ZBTB43: variants seen among roughly 807,000 people sequenced by gnomAD.
The protein encoded by ZBTB43 is zinc finger and BTB domain-containing protein 43.
Under a neutral mutation model 31.1 loss-of-function variants are expected in ZBTB43, and 6 were observed. That is an observed-to-expected ratio of 0.19 (90% confidence interval 0.11 to 0.38). ZBTB43 has a LOEUF of 0.38. Among genes scored for constraint, ZBTB43 ranks in the 10% least tolerant of loss-of-function variants. ZBTB43 has a pLI of 1.00. For missense variants in ZBTB43, 379 were observed against 602.1 expected, an observed-to-expected ratio of 0.63 and a Z score of 3.88; for synonymous variants, 212 against 221.7, an observed-to-expected ratio of 0.96 and a Z score of 0.39.
chr9:126,809,359 G>T (rs1329407), intron 2 of ZBTB43, among the ~76,000 whole-genome samples: 27,927 of 152,168 alleles, frequency 0.18, 3,127 homozygotes, highest in East Asian at 0.39. Context: ...TAAAGAGTAG[G>T]CATAGGGTAT....
intron 2 of ZBTB43, among the ~76,000 whole-genome samples, chr9:126,826,454 C>CT (rs35094731): frequency 0.017 from 902 of 53,582 alleles, 303 homozygotes; most frequent in Admixed American, 0.028. Context: ...GCCCCCCCGC[C>CT]TTTTTTTTTT....
chr9:126,829,719 A>AT (rs1479696488), intron 2 of ZBTB43, among the ~76,000 whole-genome samples: 21 of 150,672 alleles, frequency 1.4e-4, no homozygotes, highest in East Asian at 3.9e-4. Context: ...CCTTTCTATA[A>AT]TTTTTTTTTA....
At chr9:126,809,728 A>G (rs959385476) in intron 2 of ZBTB43, among the ~76,000 whole-genome samples, 8 of 152,164 alleles carry the variant, frequency 5.3e-5, no homozygotes, top group African/African-American at 1.9e-4. Context: ...AAAGCCAAAT[A>G]GCTTTTAAGA....
chr9:126,823,986 A>G (rs2032572363), intron 2 of ZBTB43, among the ~76,000 whole-genome samples: 1 of 152,154 alleles, frequency 6.6e-6, no homozygotes, highest in African/African-American at 2.4e-5. Context: ...AGCCTTTTAA[A>G]TCATATAGAA....
At chr9:126,817,839 C>A (rs1415980449) in intron 2 of ZBTB43, among the ~76,000 whole-genome samples, 1 of 152,098 alleles carries the variant, frequency 6.6e-6, no homozygotes, top group Non-Finnish European at 1.5e-5. Context: ...ACTGAAACAA[C>A]AGCTATACTC....
intron 2 of ZBTB43, among the ~76,000 whole-genome samples, chr9:126,819,736 G>A (rs1436043240): frequency 6.6e-6 from 1 of 152,234 alleles, no homozygotes; most frequent in Non-Finnish European, 1.5e-5. Context: ...ACTAAGCTTA[G>A]TGAGGAAGGC....
chr9:126,833,661 G>A lies in ZBTB43; in HGVS notation c.1152G>A (p.Lys384=). The A allele has an allele frequency of 6.2e-7, 1 of 1,612,394 alleles. No individual in the cohort carries two copies. Residue 384 remains lysine (K), a synonymous_variant, in exon 3 of 3, where the codon AAG becomes AAA. Coordinates refer to ENST00000373464, the MANE Select transcript of ZBTB43 (RefSeq NM_014007.4). The surrounding 1 kb of genome is among the most constrained non-coding windows in gnomAD (Gnocchi z 7.9). ...AGTGTGGGAAAAGTTTCACTCACAA[G>A]AGTCAGAGAGATCGGCACATGAGCA... ...PCQCGKSFTH[K]SQRDRHMSMH...
intron 2 of ZBTB43, among the ~76,000 whole-genome samples, chr9:126,814,330 AAATTTTACATCTGTAAAAAT>A (rs2032324182): frequency 8.5e-4 from 1 of 1,172 alleles, no homozygotes; most frequent in Non-Finnish European, 2.0e-3. Context: ...TGTAAAATGT[AAATTTTACATCTGTAAAAAT>A]TTTACAGATG....
At position 126,838,176 on chromosome 9, in the gene ZBTB43, T is replaced by C. The variant is rs546536162; in HGVS notation, c.*4263T>C. 6.1e-6 allele frequency: 1 copy of C among 164,290 alleles called. No individual in the cohort carries two copies. The highest frequency in any genetic ancestry group is 2.4e-5 in the African/African-American group (1 of 41,596). The allele number at this position is 164,290 out of a possible 1,614,324, so 10.2% of individuals were successfully genotyped here. A position where few individuals can be genotyped will look rare whatever the true frequency, so the allele number is the denominator to read the frequency against. On this transcript the variant is annotated 3_prime_UTR_variant, in exon 3 of 3. Coordinates refer to ENST00000373464, the MANE Select transcript of ZBTB43 (RefSeq NM_014007.4). ...AGAGATCATGCCCTTTTGTATGACA[T>C]GTTTTAATAAATGTTATCTGTCAAC...
chr9:126,832,977 G>A lies in ZBTB43; in HGVS notation c.468G>A (p.Glu156=), dbSNP rs757143198. Residue 156 remains glutamate, a synonymous_variant, in exon 3 of 3, where the codon GAG becomes GAA. Transcript: ENST00000373464. ...ATAATGGCCTGGTAGAGAGCTTTGAGCTGGGCTCTGGGGGTCATACTGATT... is the reference window on the plus strand; with the variant it reads ...ATAATGGCCTGGTAGAGAGCTTTGAACTGGGCTCTGGGGGTCATACTGATT... ...SSYNGLVESF[E]LGSGGHTDFP... is the part of the protein sequence containing the mutation. 6.2e-7 allele frequency: 1 copy of A among 1,613,838 alleles called. No homozygotes were observed. The highest frequency in any genetic ancestry group is 2.2e-5 in the East Asian group (1 of 44,858).
At chr9:126,822,968 A>C (rs1425761742) in intron 2 of ZBTB43, among the ~76,000 whole-genome samples, 1 of 152,152 alleles carries the variant, frequency 6.6e-6, no homozygotes, top group Non-Finnish European at 1.5e-5. Context: ...CACTTAATAG[A>C]CTACAGTATG....
chr9:126,812,734 C>A (rs987593993), intron 2 of ZBTB43, among the ~76,000 whole-genome samples: 4 of 152,096 alleles, frequency 2.6e-5, no homozygotes, highest in Non-Finnish European at 2.9e-5. Flanking sequence ...CTCTTCAGAT[C>A]CTTTATCTGT....
chr9:126,805,695 A>G (rs1312635131), intron 1 of ZBTB43, among the ~76,000 whole-genome samples: 1 of 151,850 alleles, frequency 6.6e-6, no homozygotes, highest in Non-Finnish European at 1.5e-5. Context: ...GGGTATCTGG[A>G]TCCTGTTTTA....
At chr9:126,828,563 C>T (rs1251283550) in intron 2 of ZBTB43, among the ~76,000 whole-genome samples, 28 of 148,956 alleles carry the variant, frequency 1.9e-4, no homozygotes, top group African/African-American at 6.4e-4. Flanking sequence ...GAGGCCGAGG[C>T]GGGAGGATTG....
chr9:126,828,040 G>C (rs1453254233), intron 2 of ZBTB43, among the ~76,000 whole-genome samples: 1 of 151,838 alleles, frequency 6.6e-6, no homozygotes, highest in Non-Finnish European at 1.5e-5. Flanking sequence ...ATTCCACAAA[G>C]ATACTTGCAC....
At chr9:126,804,543 G>C (rs1005836035), upstream of ZBTB43, among the ~76,000 whole-genome samples, 7 of 152,138 alleles carry the variant, frequency 4.6e-5, no homozygotes, top group Non-Finnish European at 1.0e-4. Context: ...GGAGTGCAGC[G>C]GCGTGATCTC....
At chr9:126,824,043 T>C (rs897328505) in intron 2 of ZBTB43, among the ~76,000 whole-genome samples, 4 of 152,190 alleles carry the variant, frequency 2.6e-5, no homozygotes, top group Non-Finnish European at 5.9e-5. Context: ...GCTTTTTTTT[T>C]TGAGACAGAG....
At chr9:126,810,746 G>A (rs1045668175) in intron 2 of ZBTB43, among the ~76,000 whole-genome samples, 2 of 150,280 alleles carry the variant, frequency 1.3e-5, no homozygotes, top group African/African-American at 2.4e-5. Flanking sequence ...CTGGTGATCC[G>A]CCCGCCTCGG....
chr9:126,832,370 G>C, intron 2 of ZBTB43, 117 bp from the exon 3 acceptor site: 1 of 947,900 alleles, frequency 1.1e-6, no homozygotes, highest in South Asian at 1.8e-5. Context: ...TTACCCAGTG[G>C]GGCCCATAGG....
Sources: gnomAD v4.1 joint callset for allele counts (sites outside exome capture counted in the v4.1 genomes callset) on GRCh38, gnomAD v4.1.1 for gene constraint, Gnocchi (gnomAD v3.1) non-coding constraint, MANE v1.5 for transcripts, NCBI Gene and HGNC (gene_info 2026-07-23, HGNC 2026-07-21) for gene names.